Variants in SHB observed in about 807,000 individuals in gnomAD.
SHB encodes the protein SH2 domain-containing adapter protein B.
SHB carries 20 observed loss-of-function variants against 52.3 expected under a neutral mutation model. The ratio of observed to expected loss-of-function variants is 0.38; its 90% CI spans 0.27 to 0.56. The LOEUF is 0.56. Ranked by LOEUF, SHB falls within the 20% of genes least tolerant of loss-of-function variation. SHB has a pLI of 0.71. For missense variants in SHB, 825 were observed against 723.3 expected (o/e 1.14, Z -1.61); for synonymous variants, 397 against 316.5 (o/e 1.25, Z -2.70).
chr9:37,935,535 C>T (rs1193496233), intron 5 of SHB, among the ~76,000 whole-genome samples: 3 of 152,094 alleles, frequency 2.0e-5, no homozygotes, highest in Admixed American at 2.0e-4. Context: ...TCTCCTTCAG[C>T]GTAAAGTGAG....
intron 2 of SHB, among the ~76,000 whole-genome samples, chr9:37,988,839 G>T (rs1446545148): frequency 6.6e-6 from 1 of 152,220 alleles, no homozygotes; most frequent in Non-Finnish European, 1.5e-5. Flanking sequence ...TCCCGAGTCA[G>T]AGAGAACTCT....
Position 37,922,804 on chromosome 9 carries a change from G to A in SHB, c.1347-2800C>T, listed in dbSNP as rs1460481402. 3.3e-5 allele frequency among the ~76,000 whole-genome samples: 5 copies of A among 152,126 alleles called. No homozygotes were observed. In the South Asian group the frequency reaches 1.0e-3, roughly 32 times the overall value. On this transcript the variant is annotated intron_variant, in intron 5 of 5. Transcript: ENST00000377707. ...CTCAGGCTATCCTTGTGCCTTGCTG[G>A]GCTCTGTCCCTTCTCCTGCTGCATC...
At position 38,068,677 on chromosome 9, in the gene SHB, A is replaced by G. The variant is rs1822012377; in HGVS notation, c.-32T>C. On this transcript the variant is annotated 5_prime_UTR_variant, in exon 1 of 6. Transcript: ENST00000377707. ...AGGCCGCCTAGGGCCGCGGCGCGGG[A>G]GCCCGGTCCGCCGCCGCGGCCATTC... 1.6e-6 allele frequency: 2 copies of G among 1,276,220 alleles called. No homozygotes were observed. Among genetic ancestry groups the G allele is most frequent in the Non-Finnish European group, 2.0e-6 (2 of 1,016,604 alleles). 79.1% of individuals were successfully genotyped at this position (1,276,220 alleles called of 1,614,324 possible).
intron 1 of SHB, among the ~76,000 whole-genome samples, chr9:38,051,737 A>G (rs1322204739): frequency 6.6e-6 from 1 of 152,162 alleles, no homozygotes; most frequent in East Asian, 1.9e-4. Context: ...TTATTCCTAG[A>G]TCTTTACAAA....
At chr9:38,062,774 G>A (rs886387983) in intron 1 of SHB, among the ~76,000 whole-genome samples, 22 of 152,332 alleles carry the variant, frequency 1.4e-4, no homozygotes, top group South Asian at 1.0e-3. Flanking sequence ...TAAAGCAGGG[G>A]TTGGAAGCTA....
chr9:37,940,648 C>A (rs1832424674), intron 5 of SHB, among the ~76,000 whole-genome samples: 1 of 152,234 alleles, frequency 6.6e-6, no homozygotes, highest in South Asian at 2.1e-4. Context: ...TAGCAAACAG[C>A]TTGCCTGCTG....
chr9:37,986,226 G>A (rs1820805704), intron 2 of SHB, among the ~76,000 whole-genome samples: 1 of 152,216 alleles, frequency 6.6e-6, no homozygotes, highest in South Asian at 2.1e-4. Context: ...AGGTGTAGAA[G>A]GCTCTCCAGG....
chr9:37,978,932 G>GT (rs1189287606), intron 2 of SHB, among the ~76,000 whole-genome samples: 8 of 152,372 alleles, frequency 5.3e-5, no homozygotes, highest in African/African-American at 1.4e-4. Context: ...GGAGCTGCGT[G>GT]TATTTAGGAA....
intron 2 of SHB, among the ~76,000 whole-genome samples, chr9:38,013,775 C>T (rs1032098790): frequency 1.2e-4 from 18 of 152,186 alleles, no homozygotes; most frequent in Admixed American, 1.2e-3. Flanking sequence ...CATCCCCCTT[C>T]CATTCCCGAG....
chr9:37,970,050 C>T (rs1820573449), intron 3 of SHB, among the ~76,000 whole-genome samples: 1 of 152,198 alleles, frequency 6.6e-6, no homozygotes, highest in African/African-American at 2.4e-5. Flanking sequence ...AGGGGGCTGA[C>T]AGCTTGATGG....
In SHB at chr9:37,974,761, G is replaced by A; in HGVS notation, c.915C>T (p.Gly305=). ...TCTCCGAGTCTGAGTCAACACTTTG[G>A]CCTTCAGGTTCGTAAGGGGTGTCAT... The part of the protein sequence containing the change: ...QLYDTPYEPE[G]QSVDSDSEST... The change falls in exon 3 of 6, where the codon GGC becomes GGT. Residue 305 remains glycine (G), a synonymous_variant. Transcript: ENST00000377707. The A allele has an allele frequency of 1.2e-6, 2 of 1,614,150 alleles. No individual in the cohort carries two copies. The highest frequency in any genetic ancestry group is 1.1e-5 in the South Asian group (1 of 91,080).
At chr9:37,921,887 A>T (rs1205160016) in intron 5 of SHB, among the ~76,000 whole-genome samples, 1 of 152,238 alleles carries the variant, frequency 6.6e-6, no homozygotes, top group Non-Finnish European at 1.5e-5. Context: ...TGTGGCTGAG[A>T]AAACAGCAGA....
chr9:37,996,362 A>C (rs560023516), intron 2 of SHB, among the ~76,000 whole-genome samples: 2 of 152,228 alleles, frequency 1.3e-5, no homozygotes, highest in South Asian at 2.1e-4. Flanking sequence ...CAACAGGGAG[A>C]AATAGCACAT....
rs1266635791 is a variant in SHB, at chr9:37,918,825, A to G, written c.*996T>C. Among the ~76,000 whole-genome samples the G allele has an allele frequency of 6.6e-6, 1 of 152,128 alleles. No individual in the cohort carries two copies. The highest frequency in any genetic ancestry group is 1.5e-5 in the Non-Finnish European group (1 of 68,024). On this transcript the variant is annotated 3_prime_UTR_variant, in exon 6 of 6. Coordinates refer to ENST00000377707, the MANE Select transcript of SHB (RefSeq NM_003028.3). ...GGGGGGGTGTCAACACAGACGTCCC[A>G]CTGCAGGAGGGAAAGACTGGTTTTT...
chr9:37,957,915 G>A (rs1397720642), intron 3 of SHB, among the ~76,000 whole-genome samples: 4 of 152,178 alleles, frequency 2.6e-5, no homozygotes, highest in Non-Finnish European at 5.9e-5. Context: ...AAGGGCCCTG[G>A]GGTGGGACTG....
At chr9:38,053,371 G>A (rs1451416706) in intron 1 of SHB, among the ~76,000 whole-genome samples, 1 of 152,094 alleles carries the variant, frequency 6.6e-6, no homozygotes, top group Non-Finnish European at 1.5e-5. Flanking sequence ...CTGAGTAGCT[G>A]GGACTACAGG....
rs118187372 is a variant in SHB, at chr9:37,931,631, C to T, written c.1347-11627G>A. ...ATGCGGAAAAAAGGAAACTCTTATA[C>T]ACTGTTGGTGGGAATGTAGATTGGT... On this transcript the variant is annotated intron_variant, in intron 5 of 5. Coordinates refer to ENST00000377707, the MANE Select transcript of SHB (RefSeq NM_003028.3). Among the ~76,000 whole-genome samples, 1,020 of 152,306 alleles carry T rather than the reference C, an allele frequency of 6.7e-3. 5 individuals carry two copies. Among genetic ancestry groups the T allele is most frequent in the Middle Eastern group, 0.014 (4 of 294 alleles).
At chr9:37,996,933 A>C (rs1820953118) in intron 2 of SHB, among the ~76,000 whole-genome samples, 1 of 152,152 alleles carries the variant, frequency 6.6e-6, no homozygotes, top group African/African-American at 2.4e-5. Flanking sequence ...TGCTTGATCC[A>C]GGTTTGAGAG....
Position 37,955,867 on chromosome 9 carries a change from G to A in SHB, c.1226+16C>T. ...GAACTGGGAGGTGAGGTTGGGCTTT[G>A]CTCCCAAGAACTTACATTTGCTTCT... On this transcript the variant is annotated intron_variant, in intron 4 of 5. Coordinates refer to ENST00000377707, the MANE Select transcript of SHB (RefSeq NM_003028.3). The A allele has an allele frequency of 6.2e-7, 1 of 1,608,350 alleles. No homozygotes were observed. The highest frequency in any genetic ancestry group is 2.2e-5 in the East Asian group (1 of 44,674).
Sources: gnomAD v4.1 joint callset for allele counts (sites outside exome capture counted in the v4.1 genomes callset) on GRCh38, gnomAD v4.1.1 for gene constraint, MANE v1.5 for transcripts, NCBI Gene and HGNC (gene_info 2026-07-23, HGNC 2026-07-21) for gene names.